Variants in PPP1R14C observed in about 807,000 individuals in gnomAD.
PPP1R14C encodes the protein protein phosphatase 1 regulatory subunit 14C.
PPP1R14C carries 16 observed loss-of-function variants against 20.4 expected under a neutral mutation model. That is an observed-to-expected ratio of 0.78 (90% confidence interval 0.53 to 1.19). The LOEUF (loss-of-function observed/expected upper bound fraction) is 1.19. Ranked by LOEUF, PPP1R14C falls within the 50% of genes most tolerant of loss-of-function variation. The pLI is 0.00. For synonymous variants in PPP1R14C, 91 were observed against 91.0 expected (o/e 1.00, Z 0.00); for missense variants, 211 against 220.1 (o/e 0.96, Z 0.26).
chr6:150,228,028 C>A (rs1361165225), intron 3 of PPP1R14C, among the ~76,000 whole-genome samples: 1 of 152,164 alleles, frequency 6.6e-6, no homozygotes, highest in Non-Finnish European at 1.5e-5. Flanking sequence ...CATTTGAGTC[C>A]AAATCCTATG....
At chr6:150,152,478 C>T (rs1777260427) in intron 1 of PPP1R14C, among the ~76,000 whole-genome samples, 12 of 152,154 alleles carry the variant, frequency 7.9e-5, no homozygotes, top group Admixed American at 7.9e-4. Context: ...TTCCCTGCCC[C>T]AGTCTCTGGA....
At chr6:150,186,861 C>T (rs1233430984) in intron 1 of PPP1R14C, among the ~76,000 whole-genome samples, 1 of 152,126 alleles carries the variant, frequency 6.6e-6, no homozygotes, top group Non-Finnish European at 1.5e-5. Flanking sequence ...GGGGTCCAAC[C>T]AGGAGGACCT....
At chr6:150,232,740 C>T (rs990342521) in intron 3 of PPP1R14C, among the ~76,000 whole-genome samples, 10 of 152,352 alleles carry the variant, frequency 6.6e-5, no homozygotes, top group African/African-American at 2.4e-4. Context: ...GGGACTACTT[C>T]TGGCTATTTG....
chr6:150,156,024 CAAAAAAAAAA>C (rs67908012), intron 1 of PPP1R14C, among the ~76,000 whole-genome samples: 147 of 38,432 alleles, frequency 3.8e-3, no homozygotes, highest in Admixed American at 0.015. Context: ...GACTCTGTCT[CAAAAAAAAAA>C]AAAAAAAAAA....
intron 3 of PPP1R14C, among the ~76,000 whole-genome samples, chr6:150,244,120 T>C (rs1055533548): frequency 6.6e-6 from 1 of 151,442 alleles, no homozygotes; most frequent in Non-Finnish European, 1.5e-5. Flanking sequence ...TTGTCTGCCT[T>C]AAATACGTTC....
At chr6:150,205,618 C>A (rs972115561) in intron 1 of PPP1R14C, among the ~76,000 whole-genome samples, 2 of 151,810 alleles carry the variant, frequency 1.3e-5, no homozygotes, top group Non-Finnish European at 2.9e-5. Flanking sequence ...CATGGTGATA[C>A]CCCGTCTCTA....
intron 1 of PPP1R14C, among the ~76,000 whole-genome samples, chr6:150,182,585 C>T (rs1777633915): frequency 6.6e-6 from 1 of 152,102 alleles, no homozygotes; most frequent in South Asian, 2.1e-4. Context: ...TTTTGGGGGA[C>T]ACAAACACTC....
At chr6:150,236,983 A>ACACT (rs1181132723) in intron 3 of PPP1R14C, among the ~76,000 whole-genome samples, 2 of 152,110 alleles carry the variant, frequency 1.3e-5, no homozygotes, top group Non-Finnish European at 2.9e-5. Context: ...TGAGGGAGAA[A>ACACT]CACTGGTGGA....
At chr6:150,178,613 A>C (rs1777588410) in intron 1 of PPP1R14C, among the ~76,000 whole-genome samples, 1 of 152,094 alleles carries the variant, frequency 6.6e-6, no homozygotes, top group Non-Finnish European at 1.5e-5. Context: ...GCTCTATTTT[A>C]TTTCTCCTTT....
chr6:150,242,749 A>G (rs1312881644), intron 3 of PPP1R14C, among the ~76,000 whole-genome samples: 1 of 152,244 alleles, frequency 6.6e-6, no homozygotes, highest in Non-Finnish European at 1.5e-5. Context: ...CTAAATAGGA[A>G]GAAGTAAAAT....
intron 1 of PPP1R14C, 128 bp from the exon 2 acceptor site, chr6:150,214,616 C>T (rs1316853713): frequency 3.2e-6 from 2 of 624,308 alleles, no homozygotes; most frequent in Middle Eastern, 2.7e-4. Flanking sequence ...GCCTCTCCTT[C>T]CCCCTGCTTA....
At chr6:150,197,862 T>C (rs1777826083) in intron 1 of PPP1R14C, among the ~76,000 whole-genome samples, 2 of 129,218 alleles carry the variant, frequency 1.5e-5, no homozygotes, top group Admixed American at 7.5e-5. Flanking sequence ...TGTGTGCCCC[T>C]GCCCGCCACA....
intron 1 of PPP1R14C, among the ~76,000 whole-genome samples, chr6:150,212,730 A>C (rs1562271106): frequency 6.6e-6 from 1 of 152,186 alleles, no homozygotes; most frequent in Admixed American, 6.5e-5. Flanking sequence ...ATAAGATTAT[A>C]ATACCCTGTT....
chr6:150,222,452 A>G (rs1778180006), intron 3 of PPP1R14C, among the ~76,000 whole-genome samples: 1 of 152,108 alleles, frequency 6.6e-6, no homozygotes, highest in Admixed American at 6.6e-5. Flanking sequence ...ACATTAACAC[A>G]TCATTATCGC....
At chr6:150,206,017 G>T (rs1040904821) in intron 1 of PPP1R14C, among the ~76,000 whole-genome samples, 2 of 151,982 alleles carry the variant, frequency 1.3e-5, no homozygotes, top group African/African-American at 4.8e-5. Flanking sequence ...CAAGTCAGAG[G>T]CTTTACAGGG....
chr6:150,214,215 A>T (rs1389710662), intron 1 of PPP1R14C, among the ~76,000 whole-genome samples: 2 of 152,122 alleles, frequency 1.3e-5, no homozygotes, highest in Admixed American at 1.3e-4. Context: ...TTTTCCATAG[A>T]CCCAGAGCTG....
chr6:150,236,816 C>A (rs1297174974), intron 3 of PPP1R14C, among the ~76,000 whole-genome samples: 1 of 152,138 alleles, frequency 6.6e-6, no homozygotes, highest in Non-Finnish European at 1.5e-5. Context: ...TGGTCCTGGG[C>A]TGTTGCTCAG....
At chr6:150,172,055 G>A (rs9371794) in intron 1 of PPP1R14C, among the ~76,000 whole-genome samples, 4,538 of 152,138 alleles carry the variant, frequency 0.03, 144 homozygotes, top group East Asian at 0.17. Context: ...TGATCCGCCC[G>A]CCTTGGCCTC....
chr6:150,167,731 G>A (rs1024926574), intron 1 of PPP1R14C, among the ~76,000 whole-genome samples: 2 of 152,098 alleles, frequency 1.3e-5, no homozygotes, highest in Admixed American at 6.5e-5. Context: ...AGCCTGGAGC[G>A]TGTCCCGAGA....
Sources: allele counts gnomAD v4.1 joint callset (sites outside exome capture counted in the v4.1 genomes callset), GRCh38; gene constraint gnomAD v4.1.1; transcripts MANE v1.5; gene names NCBI Gene and HGNC (gene_info 2026-07-23, HGNC 2026-07-21).